Variants in CLEC5A observed in about 807,000 individuals in gnomAD.
CLEC5A encodes C-type lectin domain containing 5A, also known as C-type lectin domain family 5 member A.
Under a neutral mutation model 24.4 loss-of-function variants are expected in CLEC5A, and 15 were observed. The observed-to-expected ratio is 0.62, with a 90% CI of 0.41 to 0.95. CLEC5A has a LOEUF of 0.95. Among genes scored for constraint, CLEC5A ranks in the 40% least tolerant of loss-of-function variants. CLEC5A has a pLI of 0.00. For missense variants in CLEC5A, 211 were observed against 224.0 expected, an observed-to-expected ratio of 0.94 and a Z score of 0.37; for synonymous variants, 71 against 72.6, an observed-to-expected ratio of 0.98 and a Z score of 0.11.
Position 141,935,850 on chromosome 7 carries a change from T to C in CLEC5A, c.309A>G (p.Gly103=), listed in dbSNP as rs782092952. The part of the protein sequence containing the change: ...NESRDFCKGK[G]STLAIVNTPE... ...GCGTGTTGACAATTGCCAATGTGGA[T>C]CCTTTTCCTTTGCAAAAGTCCCTGC... The change falls in exon 5 of 7, where the codon GGA becomes GGG. Residue 103 remains glycine, a synonymous_variant. Transcript: ENST00000546910. 4 of 1,614,048 alleles carry C rather than the reference T, an allele frequency of 2.5e-6. No homozygotes were observed. In the South Asian group the frequency reaches 3.3e-5, roughly 13 times the overall value.
At chr7:141,934,905 A>G (rs1802573725) in intron 5 of CLEC5A, among the ~76,000 whole-genome samples, 1 of 152,148 alleles carries the variant, frequency 6.6e-6, no homozygotes, top group African/African-American at 2.4e-5. Context: ...TGGGATCCAC[A>G]AAACTTAATG....
chr7:141,934,323 G>T (rs1554440783), intron 5 of CLEC5A, among the ~76,000 whole-genome samples: 1 of 152,188 alleles, frequency 6.6e-6, no homozygotes, highest in Non-Finnish European at 1.5e-5. Context: ...GAGAGAAAAG[G>T]ACTTGTTTAA....
rs1381472498 is a variant in CLEC5A, at chr7:141,928,194, A to T, written c.*1910T>A. On this transcript the variant is annotated 3_prime_UTR_variant, in exon 7 of 7. Coordinates refer to ENST00000546910, the MANE Select transcript of CLEC5A (RefSeq NM_013252.3). Reference sequence around the variant, plus strand: ...TATTCCCTATCTACTCCCCACTCCCACCCCAGGCCATTGGGCTCCTTTTAG... The same window carrying T: ...TATTCCCTATCTACTCCCCACTCCCTCCCCAGGCCATTGGGCTCCTTTTAG... 3 of 152,164 alleles carry T rather than the reference A, an allele frequency of 2.0e-5. No homozygotes were observed. Among genetic ancestry groups the T allele is most frequent in the South Asian group, 2.1e-4 (1 of 4,808 alleles). The allele number at this position is 152,164 out of a possible 1,614,324, so 9.4% of individuals were successfully genotyped here.
intron 6 of CLEC5A, among the ~76,000 whole-genome samples, chr7:141,930,802 G>T (rs1469892321): frequency 6.6e-6 from 1 of 152,170 alleles, no homozygotes; most frequent in African/African-American, 2.4e-5. Context: ...AGCTTTACTT[G>T]TCCTCAGTTC....
intron 4 of CLEC5A, among the ~76,000 whole-genome samples, chr7:141,942,869 A>G (rs1460907670): frequency 1.3e-5 from 2 of 152,202 alleles, no homozygotes; most frequent in Non-Finnish European, 2.9e-5. Flanking sequence ...AATCAAAACT[A>G]CCGTGAGATA....
intron 4 of CLEC5A, chr7:141,936,314 A>G (rs1802623808): frequency 3.5e-6 from 1 of 285,022 alleles, no homozygotes; most frequent in Non-Finnish European, 6.7e-6. Context: ...TAGGAAAGAT[A>G]GTCTTGAATT....
At chr7:141,935,580 G>C (rs1802593383) in intron 5 of CLEC5A, among the ~76,000 whole-genome samples, 1 of 152,174 alleles carries the variant, frequency 6.6e-6, no homozygotes, top group Non-Finnish European at 1.5e-5. Flanking sequence ...CTATAGAAAA[G>C]ACCACAAGGT....
intron 4 of CLEC5A, among the ~76,000 whole-genome samples, chr7:141,940,158 C>T (rs1355578427): frequency 1.3e-5 from 2 of 152,038 alleles, no homozygotes; most frequent in African/African-American, 4.8e-5. Flanking sequence ...GCATATGGAT[C>T]ATTCTCAAGG....
intron 4 of CLEC5A, among the ~76,000 whole-genome samples, chr7:141,936,702 A>C (rs1298748078): frequency 1.3e-5 from 2 of 152,124 alleles, no homozygotes; most frequent in African/African-American, 4.8e-5. Flanking sequence ...GGGGGCACCT[A>C]CTGAGATACC....
At chr7:141,939,952 G>A (rs1802737821) in intron 4 of CLEC5A, among the ~76,000 whole-genome samples, 1 of 152,108 alleles carries the variant, frequency 6.6e-6, no homozygotes, top group Non-Finnish European at 1.5e-5. Flanking sequence ...TATTATTAGA[G>A]CTAAAGAAAT....
chr7:141,934,131 TAGG>T (rs1324926387), intron 5 of CLEC5A, among the ~76,000 whole-genome samples: 2 of 152,196 alleles, frequency 1.3e-5, no homozygotes, highest in African/African-American at 4.8e-5. Flanking sequence ...TATGCCATGC[TAGG>T]AGAACTGGCG....
intron 4 of CLEC5A, among the ~76,000 whole-genome samples, chr7:141,942,595 AG>A (rs1313458603): frequency 1.3e-5 from 2 of 152,282 alleles, no homozygotes; most frequent in Admixed American, 6.5e-5. Flanking sequence ...AACTTAAAAA[AG>A]CTTCTGCCCA....
chr7:141,934,097 T>A (rs1802546573), intron 5 of CLEC5A, among the ~76,000 whole-genome samples: 1 of 152,204 alleles, frequency 6.6e-6, no homozygotes, highest in Non-Finnish European at 1.5e-5. Context: ...GAGTGTGACA[T>A]TTGGCATGGT....
At chr7:141,936,588 T>C (rs1306285709) in intron 4 of CLEC5A, among the ~76,000 whole-genome samples, 1 of 152,118 alleles carries the variant, frequency 6.6e-6, no homozygotes, top group Non-Finnish European at 1.5e-5. Context: ...GTGAGCTGAA[T>C]TGCTTTGGGG....
rs200671062 is a variant in CLEC5A at position 141,935,826 on chromosome 7, C to A, written c.333G>T (p.Thr111=). The change falls in exon 5 of 7, where the codon ACG becomes ACT. Residue 111 remains threonine, a synonymous_variant. Transcript: ENST00000546910. ...CCAGTGTTCTCACCAGTTTCTCTGG[C>A]GTGTTGACAATTGCCAATGTGGATC... ...GKGSTLAIVN[T]PEKLKFLQDI... 3 of 1,613,892 alleles carry A rather than the reference C, an allele frequency of 1.9e-6. No homozygotes were observed. Among genetic ancestry groups the A allele is most frequent in the African/African-American group, 1.3e-5 (1 of 74,904 alleles).
At chr7:141,934,621 T>TTTG (rs1802563007) in intron 5 of CLEC5A, among the ~76,000 whole-genome samples, 1 of 121,450 alleles carries the variant, frequency 8.2e-6, no homozygotes, top group African/African-American at 3.4e-5. Flanking sequence ...ACGTTTTTTT[T>TTTG]TTTTTTTTTT....
At chr7:141,937,345 A>C (rs1470456880) in intron 4 of CLEC5A, among the ~76,000 whole-genome samples, 4 of 152,068 alleles carry the variant, frequency 2.6e-5, no homozygotes, top group Middle Eastern at 3.2e-3. Flanking sequence ...CAAGCTGACC[A>C]AACAGCCCCT....
rs182528709 is a variant in CLEC5A, at chr7:141,929,912, C to A, written c.*192G>T. 1.8e-6 allele frequency: 1 copy of A among 563,380 alleles called. No individual in the cohort carries two copies. The allele number at this position is 563,380 out of a possible 1,614,324, so 34.9% of individuals were successfully genotyped here. On this transcript the variant is annotated 3_prime_UTR_variant, in exon 7 of 7. Coordinates refer to ENST00000546910, the MANE Select transcript of CLEC5A (RefSeq NM_013252.3). ...ATCTCTATACTAACTGAGTTGTTTCCGTAAAACTGATCCTGTCTCCTGGAG... is the reference window on the plus strand; with the variant it reads ...ATCTCTATACTAACTGAGTTGTTTCAGTAAAACTGATCCTGTCTCCTGGAG...
At position 141,941,208 on chromosome 7, in the gene CLEC5A, A is replaced by G. The variant is rs113321265; in HGVS notation, c.208+2688T>C. ...ATACTAGCAAGCTGAATTCAACAAC[A>G]TATTAAAAAGATCATTCATCACGAC... On this transcript the variant is annotated intron_variant, in intron 4 of 6. Transcript: ENST00000546910. 4.4e-3 allele frequency among the ~76,000 whole-genome samples: 666 copies of G among 152,242 alleles called. 5 individuals carry two copies. Among genetic ancestry groups the G allele is most frequent in the African/African-American group, 0.015 (636 of 41,542 alleles).
Sources: gnomAD v4.1 joint callset for allele counts (sites outside exome capture counted in the v4.1 genomes callset) on GRCh38, gnomAD v4.1.1 for gene constraint, MANE v1.5 for transcripts, NCBI Gene and HGNC (gene_info 2026-07-23, HGNC 2026-07-21) for gene names.